The following TYW1B variants were observed in gnomAD, a reference collection of about 807,000 sequenced individuals.
The protein encoded by TYW1B is S-adenosyl-L-methionine-dependent tRNA 4-demethylwyosine synthase TYW1B.
Under a neutral mutation model 86.9 loss-of-function variants are expected in TYW1B, and 73 were observed. The observed-to-expected ratio is 0.84, with a 90% CI of 0.70 to 1.02. TYW1B has a LOEUF of 1.02. Ranked by LOEUF, TYW1B falls within the 50% of genes least tolerant of loss-of-function variation. The probability of loss-of-function intolerance (pLI) is 0.00; values close to 1 mark genes in which losing one functional copy is unlikely to be tolerated. For synonymous variants in TYW1B, 248 were observed against 292.8 expected, an observed-to-expected ratio of 0.85 and a Z score of 1.56; for missense variants, 637 against 827.4, an observed-to-expected ratio of 0.77 and a Z score of 2.82.
chr7:72,818,946 C>T (rs1206171914), intron 2 of TYW1B, among the ~76,000 whole-genome samples: 4 of 152,218 alleles, frequency 2.6e-5, no homozygotes, highest in East Asian at 3.9e-4. Flanking sequence ...CTGGGGACTA[C>T]GATTCGACAT....
At chr7:72,726,667 T>A (rs1400180935) in intron 9 of TYW1B, among the ~76,000 whole-genome samples, 8 of 152,150 alleles carry the variant, frequency 5.3e-5, no homozygotes, top group Admixed American at 3.3e-4. Context: ...CCGAGCCTAC[T>A]GAATAATTAT....
chr7:72,689,800 G>A (rs1165563331), intron 11 of TYW1B, among the ~76,000 whole-genome samples: 1 of 152,108 alleles, frequency 6.6e-6, no homozygotes, highest in Non-Finnish European at 1.5e-5. Flanking sequence ...TTCTTTCCTT[G>A]CTTCTTTGTA....
chr7:72,679,851 C>T (rs1554448104), intron 11 of TYW1B, among the ~76,000 whole-genome samples: 1 of 152,106 alleles, frequency 6.6e-6, no homozygotes, highest in Non-Finnish European at 1.5e-5. Context: ...AATGATAGGC[C>T]AGGAGCAGTA....
chr7:72,672,496 A>ACACACC (rs1279986279), intron 11 of TYW1B, among the ~76,000 whole-genome samples: 1 of 151,136 alleles, frequency 6.6e-6, no homozygotes, highest in Non-Finnish European at 1.5e-5. Context: ...ACACACACAC[A>ACACACC]CACACACACA....
intron 11 of TYW1B, among the ~76,000 whole-genome samples, chr7:72,681,305 C>T (rs1409501429): frequency 1.3e-4 from 20 of 152,166 alleles, no homozygotes; most frequent in Admixed American, 1.3e-3. Context: ...GCTTTGAATA[C>T]CACAGTGAAC....
intron 13 of TYW1B, among the ~76,000 whole-genome samples, chr7:72,607,412 A>AAAG (rs1178913327): frequency 9.3e-5 from 14 of 150,652 alleles, no homozygotes; most frequent in Non-Finnish European, 1.8e-4. Context: ...AAAAAAAAGA[A>AAAG]AAGAAGAAGA....
intron 7 of TYW1B, among the ~76,000 whole-genome samples, chr7:72,754,169 T>G (rs1460980142): frequency 6.6e-6 from 1 of 152,192 alleles, no homozygotes; most frequent in Admixed American, 6.5e-5. Flanking sequence ...AGATGGAGTC[T>G]CGCTCTGTTG....
chr7:72,641,772 G>A (rs1267262005), intron 11 of TYW1B, among the ~76,000 whole-genome samples: 16 of 152,126 alleles, frequency 1.1e-4, no homozygotes, highest in African/African-American at 3.9e-4. Flanking sequence ...ATGCCACTTC[G>A]TTGTTCATGT....
chr7:72,802,245 C>A (rs1254169131), intron 6 of TYW1B, among the ~76,000 whole-genome samples, 155 bp downstream of exon 6: 1 of 152,008 alleles, frequency 6.6e-6, no homozygotes, highest in Non-Finnish European at 1.5e-5. Context: ...TCACCACGCT[C>A]ATGAAAAATG....
intron 11 of TYW1B, among the ~76,000 whole-genome samples, chr7:72,650,103 ACGGGGTTTCAC>A (rs1272179204): frequency 2.7e-5 from 4 of 147,624 alleles, no homozygotes; most frequent in African/African-American, 7.5e-5. Flanking sequence ...TTTAATAAAG[ACGGGGTTTCAC>A]CGTGTTAGCC....
chr7:72,825,268 C>A (rs1227834177), intron 2 of TYW1B, among the ~76,000 whole-genome samples: 2 of 152,130 alleles, frequency 1.3e-5, no homozygotes, highest in Non-Finnish European at 2.9e-5. Context: ...ACTGTTCCCC[C>A]CCAAAAAAGA....
At chr7:72,749,047 C>T (rs1333133510) in intron 7 of TYW1B, among the ~76,000 whole-genome samples, 2 of 152,036 alleles carry the variant, frequency 1.3e-5, no homozygotes, top group African/African-American at 4.8e-5. Flanking sequence ...TTCAGGAAAA[C>T]CATTGAAAAC....
intron 8 of TYW1B, among the ~76,000 whole-genome samples, chr7:72,742,850 G>A (rs1225516089): frequency 2.0e-5 from 3 of 152,102 alleles, no homozygotes; most frequent in African/African-American, 4.8e-5. Context: ...TAAATTAAGA[G>A]ATGACATTGA....
At chr7:72,784,790 G>A (rs553838484) in intron 6 of TYW1B, among the ~76,000 whole-genome samples, 4 of 152,186 alleles carry the variant, frequency 2.6e-5, no homozygotes, top group African/African-American at 7.2e-5. Context: ...AAGCCACTGC[G>A]CCCGGCCTCC....
At chr7:72,692,129 C>A (rs1242590539) in intron 11 of TYW1B, among the ~76,000 whole-genome samples, 2 of 149,646 alleles carry the variant, frequency 1.3e-5, no homozygotes, top group Non-Finnish European at 3.0e-5. Flanking sequence ...TCACTTGAAC[C>A]CGGGAGGTAG....
At chr7:72,816,142 C>T (rs1788717789) in intron 2 of TYW1B, among the ~76,000 whole-genome samples, 1 of 152,110 alleles carries the variant, frequency 6.6e-6, no homozygotes, top group Non-Finnish European at 1.5e-5. Context: ...CTTGGGAGGC[C>T]GATGCGGCTG....
rs1481166402 is a variant in TYW1B, at chr7:72,718,632, T to C, written c.1193-4834A>G. Among the ~76,000 whole-genome samples the C allele has an allele frequency of 1.3e-5, 2 of 152,178 alleles. 1 individual carries two copies. The highest frequency in any genetic ancestry group is 1.3e-4 in the Admixed American group (2 of 15,274). ...GTGTCAGTATTTTTGGATGGATGAA[T>C]AATTTTTTAGGTTATTGAAATCTAA... On this transcript the variant is annotated intron_variant, in intron 9 of 13. Transcript: ENST00000620995.
intron 7 of TYW1B, among the ~76,000 whole-genome samples, chr7:72,774,089 AG>A (rs1787911853): frequency 1.3e-5 from 2 of 151,506 alleles, no homozygotes; most frequent in African/African-American, 4.8e-5. Context: ...AAAGAAACAA[AG>A]AAACTATCCC....
At chr7:72,619,849 T>C (rs1484649917) in intron 12 of TYW1B, among the ~76,000 whole-genome samples, 5 of 152,194 alleles carry the variant, frequency 3.3e-5, no homozygotes, top group African/African-American at 1.2e-4. Flanking sequence ...ACTTTCTTTT[T>C]AATATTTAAA....
Sources: allele counts gnomAD v4.1 joint callset (sites outside exome capture counted in the v4.1 genomes callset), GRCh38; gene constraint gnomAD v4.1.1; transcripts MANE v1.5; gene names NCBI Gene and HGNC (gene_info 2026-07-23, HGNC 2026-07-21).